The following HDGFL3 variants were observed in gnomAD, a reference collection of about 807,000 sequenced individuals.
HDGFL3 encodes HDGF like 3, also known as hepatoma-derived growth factor-related protein 3.
In HDGFL3, 6 loss-of-function variants were observed where a neutral mutation model predicts 27.6. The observed-to-expected ratio is 0.22, with a 90% CI of 0.12 to 0.43. The LOEUF (loss-of-function observed/expected upper bound fraction) is 0.43. HDGFL3 is among the 20% of genes least tolerant of loss of function. The pLI is 1.00. For synonymous variants in HDGFL3, 88 were observed against 88.9 expected, an observed-to-expected ratio of 0.99 and a Z score of 0.05; for missense variants, 207 against 250.1, an observed-to-expected ratio of 0.83 and a Z score of 1.16.
At chr15:83,148,449 G>A (rs1270245209) in intron 5 of HDGFL3, among the ~76,000 whole-genome samples, 2 of 151,876 alleles carry the variant, frequency 1.3e-5, no homozygotes, top group Non-Finnish European at 2.9e-5. Context: ...GTGAAACCCC[G>A]TCTCTACTAA....
At chr15:83,167,274 G>A (rs1055738764) in intron 1 of HDGFL3, among the ~76,000 whole-genome samples, 1 of 152,230 alleles carries the variant, frequency 6.6e-6, no homozygotes, top group African/African-American at 2.4e-5. Flanking sequence ...GGACAAAGAA[G>A]GCTGAGCGTG....
In HDGFL3 at chr15:83,133,160, T is replaced by G. The variant is rs1293062766; in HGVS notation, c.*6110A>C. The G allele has an allele frequency of 6.6e-6, 1 of 152,240 alleles. No individual in the cohort carries two copies. Among genetic ancestry groups the G allele is most frequent in the African/African-American group, 2.4e-5 (1 of 41,462 alleles). The allele number at this position is 152,240 out of a possible 1,614,324, so 9.4% of individuals were successfully genotyped here. A position where few individuals can be genotyped will look rare whatever the true frequency, so the allele number is the denominator to read the frequency against. On this transcript the variant is annotated 3_prime_UTR_variant, in exon 6 of 6. Transcript: ENST00000299633. The stretch of plus-strand genomic sequence containing the variant: ...GGTGGAGCTGTGATTTGACTCTGGA[T>G]GTCTAGTTCCAAAGTCAGTGTTCTG...
chr15:83,166,235 C>T (rs1008130047), intron 1 of HDGFL3, among the ~76,000 whole-genome samples: 9 of 152,160 alleles, frequency 5.9e-5, no homozygotes, highest in Non-Finnish European at 1.2e-4. Flanking sequence ...AAGGGAATCC[C>T]AGCAGGCTAA....
exon 4 of HDGFL3, chr15:83,113,329 G>C (rs2034365473): frequency 5.1e-6 from 1 of 196,812 alleles, no homozygotes; most frequent in East Asian, 1.3e-4. Context: ...ATAGAGACAA[G>C]CACCTATAGT....
intron 2 of HDGFL3, among the ~76,000 whole-genome samples, chr15:83,159,092 C>T (rs963405973): frequency 7.9e-5 from 12 of 152,128 alleles, no homozygotes; most frequent in South Asian, 2.1e-4. Flanking sequence ...CCACCTGCCT[C>T]GGCCTCCCAA....
At chr15:83,124,629 T>C (rs1433990991), downstream of HDGFL3, 3 of 1,480,296 alleles carry the variant, frequency 2.0e-6, no homozygotes, top group African/African-American at 1.4e-5. Context: ...AGATTCTTCT[T>C]TGGCACTTTG....
At chr15:83,124,839 A>G (rs908808370), downstream of HDGFL3, 5 of 1,352,656 alleles carry the variant, frequency 3.7e-6, no homozygotes, top group Non-Finnish European at 5.2e-6. Flanking sequence ...AAATGGAAAA[A>G]AACTTAGAAA....
exon 4 of HDGFL3, chr15:83,113,016 G>C (rs1041237623): frequency 1.9e-5 from 16 of 859,634 alleles, no homozygotes; most frequent in Non-Finnish European, 2.7e-5. Context: ...AACAGTGGCT[G>C]CAAGTGTAGG....
At chr15:83,175,042 G>A (rs990529920) in intron 1 of HDGFL3, among the ~76,000 whole-genome samples, 1 of 152,198 alleles carries the variant, frequency 6.6e-6, no homozygotes, top group East Asian at 1.9e-4. Flanking sequence ...AAAAAATCTA[G>A]CAACACTAAG....
intron 5 of HDGFL3, among the ~76,000 whole-genome samples, chr15:83,145,897 CTTTTTTTTTTTTTTTTT>C (rs3082058): frequency 5.9e-4 from 29 of 49,478 alleles, no homozygotes; most frequent in South Asian, 1.4e-3. Context: ...TTTCTTCTTC[CTTTTTTTTTTTTTTTTT>C]TTTTTTTTTT....
chr15:83,206,389 G>C lies in HDGFL3; in HGVS notation c.84+942C>G, dbSNP rs569821643. Among the ~76,000 whole-genome samples, 4 of 152,218 alleles carry C rather than the reference G, an allele frequency of 2.6e-5. No individual in the cohort carries two copies. The South Asian group carries it at 6.2e-4, about 24-fold the overall frequency. The stretch of plus-strand genomic sequence containing the variant: ...CTTTTCACAAGATTTCTTATTTCAA[G>C]CAATCAACTGCCAACCATACAAAAA... On this transcript the variant is annotated intron_variant, in intron 1 of 5. Transcript: ENST00000299633.
At chr15:83,159,718 AAG>A (rs1286255206) in intron 2 of HDGFL3, among the ~76,000 whole-genome samples, 1 of 152,208 alleles carries the variant, frequency 6.6e-6, no homozygotes, top group African/African-American at 2.4e-5. Flanking sequence ...AAGTTGAAGA[AAG>A]AGCAAGTACA....
chr15:83,175,137 T>C (rs2037293133), intron 1 of HDGFL3, among the ~76,000 whole-genome samples: 1 of 152,232 alleles, frequency 6.6e-6, no homozygotes, highest in Non-Finnish European at 1.5e-5. Flanking sequence ...CTCAAGTTTG[T>C]CACACTCTCT....
chr15:83,207,343 G>A lies in HDGFL3; in HGVS notation c.72C>T (p.His24=), dbSNP rs1481391328. 7.1e-7 allele frequency: 1 copy of A among 1,401,088 alleles called. No individual in the cohort carries two copies. The highest frequency in any genetic ancestry group is 9.3e-7 in the Non-Finnish European group (1 of 1,072,936). 86.8% of individuals were successfully genotyped at this position (1,401,088 alleles called of 1,614,324 possible). ...LVFAKMKGYP[H]WPARIDELPE... ...CCGCGGTACTCACCCGGGCCGGCCA[G>A]TGCGGGTAGCCCTTCATCTTGGCGA... is the stretch of plus-strand genomic sequence containing the variant. The change falls in exon 1 of 6, where the codon CAC becomes CAT. Residue 24 remains histidine, a synonymous_variant. Transcript: ENST00000299633. This position sits in a 1 kb window ranked among gnomAD's most constrained non-coding sequence, Gnocchi z 4.8.
At chr15:83,193,214 A>G (rs2037533022) in intron 1 of HDGFL3, among the ~76,000 whole-genome samples, 1 of 152,250 alleles carries the variant, frequency 6.6e-6, no homozygotes, top group African/African-American at 2.4e-5. Context: ...ACCAGAACAT[A>G]TGATTAAGTC....
At chr15:83,186,057 C>T (rs1362272567) in intron 1 of HDGFL3, 1 of 152,212 alleles carries the variant, frequency 6.6e-6, no homozygotes, top group Non-Finnish European at 1.5e-5. Context: ...AACTGAATCC[C>T]ATCAACAACT....
chr15:83,173,752 A>C (rs2037274606), intron 1 of HDGFL3, among the ~76,000 whole-genome samples: 1 of 152,206 alleles, frequency 6.6e-6, no homozygotes, highest in Admixed American at 6.5e-5. Context: ...TCTAGGGATG[A>C]AATTACAAAC....
rs869303457 is a variant in HDGFL3, at chr15:83,164,367, CAAAAAA to C, written c.85-298_85-293del. On this transcript the variant is annotated intron_variant, in intron 1 of 5. Coordinates refer to ENST00000299633, the MANE Select transcript of HDGFL3 (RefSeq NM_016073.4). ...TGTCCTAGTGAAAAATTAGAGTAAC[CAAAAAA>C]AAAAAAAAAAAAAAAAAAAAAGAAT... is the stretch of plus-strand genomic sequence containing the variant. 2.3e-4 allele frequency among the ~76,000 whole-genome samples: 9 copies of C among 38,392 alleles called. No homozygotes were observed. The East Asian group carries it at 3.6e-3, about 15-fold the overall frequency. The allele number at this position is 38,392 out of a possible 152,430, so 25.2% of individuals were successfully genotyped here.
chr15:83,174,423 T>C (rs566504275), intron 1 of HDGFL3, among the ~76,000 whole-genome samples: 1 of 152,180 alleles, frequency 6.6e-6, no homozygotes, highest in African/African-American at 2.4e-5. Context: ...AATGTCTCCT[T>C]GTTCCCAGGA....
Sources: allele counts gnomAD v4.1 joint callset (sites outside exome capture counted in the v4.1 genomes callset), GRCh38; gene constraint gnomAD v4.1.1; non-coding constraint Gnocchi (gnomAD v3.1); transcripts MANE v1.5; gene names NCBI Gene and HGNC (gene_info 2026-07-23, HGNC 2026-07-21).